TRAPPC9: variants seen among roughly 807,000 people sequenced by gnomAD.
TRAPPC9 encodes the protein IKK2 binding protein.
TRAPPC9 carries 83 observed loss-of-function variants against 124.0 expected under a neutral mutation model. The observed-to-expected ratio is 0.67, with a 90% CI of 0.56 to 0.80. The LOEUF (loss-of-function observed/expected upper bound fraction) is 0.80, where lower values mean the gene tolerates loss of function less well. TRAPPC9 is among the 30% of genes least tolerant of loss of function. The probability of loss-of-function intolerance (pLI) is 0.00; values close to 1 mark genes in which losing one functional copy is unlikely to be tolerated. For missense variants in TRAPPC9, 1,302 were observed against 1,508.3 expected, an observed-to-expected ratio of 0.86 and a Z score of 2.27; for synonymous variants, 638 against 617.5, an observed-to-expected ratio of 1.03 and a Z score of -0.49.
chr8:140,415,939 C>T (rs1432843812), intron 5 of TRAPPC9, among the ~76,000 whole-genome samples: 3 of 151,940 alleles, frequency 2.0e-5, no homozygotes, highest in East Asian at 1.9e-4. Flanking sequence ...CTACCCTGGG[C>T]GACAGAGCAA....
At chr8:139,902,094 C>T (rs938196086) in intron 20 of TRAPPC9, among the ~76,000 whole-genome samples, 4 of 152,212 alleles carry the variant, frequency 2.6e-5, no homozygotes, top group Non-Finnish European at 5.9e-5. Flanking sequence ...CCTGATCACA[C>T]AAACACAACA....
chr8:140,440,781 A>T (rs1010342045), intron 2 of TRAPPC9, among the ~76,000 whole-genome samples: 1 of 151,516 alleles, frequency 6.6e-6, no homozygotes, highest in Non-Finnish European at 1.5e-5. Context: ...CCCTCCTACC[A>T]CTGTGGCTTT....
chr8:139,974,902 G>T (rs958449018), intron 19 of TRAPPC9, among the ~76,000 whole-genome samples: 2 of 151,980 alleles, frequency 1.3e-5, no homozygotes, highest in African/African-American at 2.4e-5. Flanking sequence ...TAGCTCTGCC[G>T]AGGGCACCTC....
intron 19 of TRAPPC9, among the ~76,000 whole-genome samples, chr8:139,976,908 C>T (rs1836515449): frequency 1.3e-5 from 2 of 152,228 alleles, no homozygotes; most frequent in Admixed American, 6.5e-5. Flanking sequence ...ACAGGGTCCC[C>T]GAGACAAACT....
chr8:140,458,511 C>T (rs1378363180), upstream of TRAPPC9: 3 of 1,583,178 alleles, frequency 1.9e-6, no homozygotes, highest in East Asian at 2.3e-5. Flanking sequence ...GAGCCCCAGC[C>T]TGGGCCGGCT....
chr8:139,898,575 G>A (rs71514658), intron 20 of TRAPPC9, among the ~76,000 whole-genome samples: 1,583 of 152,202 alleles, frequency 0.01, 13 homozygotes, highest in Non-Finnish European at 0.016. Context: ...AGGAAGCCAC[G>A]CTTCCTCGGA....
At chr8:140,309,145 G>T (rs2066222025) in intron 10 of TRAPPC9, among the ~76,000 whole-genome samples, 1 of 152,216 alleles carries the variant, frequency 6.6e-6, no homozygotes, top group Admixed American at 6.5e-5. Flanking sequence ...ACTAAAATGT[G>T]AATGTTACAG....
chr8:140,039,980 C>G (rs1334146140), intron 17 of TRAPPC9: 2 of 152,250 alleles, frequency 1.3e-5, no homozygotes, highest in African/African-American at 4.8e-5. Context: ...AGGGAAAACC[C>G]ATATCCCTCT....
At chr8:140,253,468 A>G (rs1484382000) in intron 15 of TRAPPC9, among the ~76,000 whole-genome samples, 1 of 152,130 alleles carries the variant, frequency 6.6e-6, no homozygotes, top group Non-Finnish European at 1.5e-5. Context: ...ACTTGAGATC[A>G]GGAGTTCCAG....
At chr8:140,258,331 TTTCACTCAAAACTCCTCAC>T (rs2131539777) in intron 15 of TRAPPC9, among the ~76,000 whole-genome samples, 1 of 152,364 alleles carries the variant, frequency 6.6e-6, no homozygotes, top group South Asian at 2.1e-4. Flanking sequence ...GGATTTGACA[TTTCACTCAAAACTCCTCAC>T]ACACACGGCT....
chr8:140,176,472 A>G (rs2062073960), intron 17 of TRAPPC9, among the ~76,000 whole-genome samples: 2 of 152,166 alleles, frequency 1.3e-5, no homozygotes, highest in Admixed American at 1.3e-4. Flanking sequence ...TCTGAGATTC[A>G]TCTGTGTGTT....
At chr8:139,752,037 A>G (rs1473475483) in intron 21 of TRAPPC9, among the ~76,000 whole-genome samples, 1 of 148,614 alleles carries the variant, frequency 6.7e-6, no homozygotes, top group East Asian at 2.0e-4. Flanking sequence ...CCACTCATCC[A>G]TTCACCCATC....
At chr8:140,007,109 GCTT>G (rs2131828176) in intron 18 of TRAPPC9, among the ~76,000 whole-genome samples, 1 of 152,304 alleles carries the variant, frequency 6.6e-6, no homozygotes, top group East Asian at 1.9e-4. Flanking sequence ...ACACAGCAAT[GCTT>G]CATCTCTCAA....
intron 21 of TRAPPC9, among the ~76,000 whole-genome samples, chr8:139,810,430 G>C (rs567524910): frequency 1.2e-4 from 18 of 152,292 alleles, no homozygotes; most frequent in Middle Eastern, 3.4e-3. Flanking sequence ...GGGATTTCAC[G>C]AGTTGGCTGA....
intron 17 of TRAPPC9, among the ~76,000 whole-genome samples, chr8:140,137,765 C>G (rs2061327639): frequency 6.6e-6 from 1 of 152,184 alleles, no homozygotes; most frequent in African/African-American, 2.4e-5. Flanking sequence ...ATATGAAACA[C>G]TGAGGTTTGG....
At chr8:140,410,320 G>A (rs965592435) in intron 5 of TRAPPC9, among the ~76,000 whole-genome samples, 3 of 152,024 alleles carry the variant, frequency 2.0e-5, no homozygotes, top group Non-Finnish European at 4.4e-5. Flanking sequence ...CAGATCGCCT[G>A]AGGCCAGGAG....
At chr8:140,343,985 C>A (rs2067265372) in intron 9 of TRAPPC9, among the ~76,000 whole-genome samples, 1 of 152,076 alleles carries the variant, frequency 6.6e-6, no homozygotes, top group African/African-American at 2.4e-5. Context: ...ATGGAACCAG[C>A]TTTAATCCTC....
chr8:140,236,746 A>G (rs1017109134), intron 16 of TRAPPC9, among the ~76,000 whole-genome samples: 7 of 152,264 alleles, frequency 4.6e-5, no homozygotes, highest in African/African-American at 1.7e-4. Context: ...TGAAAAATAA[A>G]TGAAGAGACA....
At chr8:140,417,229 A>G (rs1343190101) in intron 5 of TRAPPC9, among the ~76,000 whole-genome samples, 1 of 152,210 alleles carries the variant, frequency 6.6e-6, no homozygotes, top group Non-Finnish European at 1.5e-5. Context: ...TAATTAAACT[A>G]AAGAGCTTCT....
Sources: allele counts gnomAD v4.1 joint callset (sites outside exome capture counted in the v4.1 genomes callset), GRCh38; gene constraint gnomAD v4.1.1; transcripts MANE v1.5; gene names NCBI Gene and HGNC (gene_info 2026-07-23, HGNC 2026-07-21).